SLC9A9: variants seen among roughly 807,000 people sequenced by gnomAD.
SLC9A9 encodes the protein solute carrier family 9 member A9.
SLC9A9 carries 62 observed loss-of-function variants against 77.8 expected under a neutral mutation model. That is an observed-to-expected ratio of 0.80 (90% CI 0.65 to 0.98). The LOEUF (loss-of-function observed/expected upper bound fraction) is 0.98, where lower values mean the gene tolerates loss of function less well. SLC9A9 is among the 50% of genes least tolerant of loss of function. SLC9A9 has a pLI of 0.00. For missense variants in SLC9A9, 775 were observed against 774.9 expected, an observed-to-expected ratio of 1.00 and a Z score of 0.00; for synonymous variants, 320 against 283.5, an observed-to-expected ratio of 1.13 and a Z score of -1.29.
intron 14 of SLC9A9, among the ~76,000 whole-genome samples, chr3:143,270,861 T>C (rs1171904552): frequency 6.6e-6 from 1 of 152,228 alleles, no homozygotes; most frequent in Non-Finnish European, 1.5e-5. Flanking sequence ...AATCTATGCG[T>C]AGTAGTGCTC....
chr3:143,819,835 A>C (rs1314209737), intron 2 of SLC9A9, among the ~76,000 whole-genome samples: 1 of 152,218 alleles, frequency 6.6e-6, no homozygotes, highest in Non-Finnish European at 1.5e-5. Flanking sequence ...TTTCTTTACA[A>C]CACCCTTTGA....
intron 6 of SLC9A9, among the ~76,000 whole-genome samples, chr3:143,593,211 C>T (rs1484180169): frequency 1.3e-5 from 2 of 152,192 alleles, no homozygotes; most frequent in East Asian, 3.9e-4. Flanking sequence ...GGTAGGGCTC[C>T]TCCTGGGAGC....
At chr3:143,480,517 A>G (rs1163701773) in intron 11 of SLC9A9, among the ~76,000 whole-genome samples, 1 of 152,224 alleles carries the variant, frequency 6.6e-6, no homozygotes, top group Non-Finnish European at 1.5e-5. Context: ...TGCTTGACAC[A>G]GTTGTTAAAA....
intron 4 of SLC9A9, among the ~76,000 whole-genome samples, chr3:143,715,780 C>G (rs545236117): frequency 2.6e-5 from 4 of 152,126 alleles, no homozygotes; most frequent in East Asian, 1.9e-4. Flanking sequence ...GCTCCCACAC[C>G]GCAAGGTCAA....
intron 11 of SLC9A9, among the ~76,000 whole-genome samples, chr3:143,491,963 C>A (rs750421883): frequency 6.6e-6 from 1 of 152,140 alleles, no homozygotes; most frequent in African/African-American, 2.4e-5. Context: ...AAAGTCAACT[C>A]ATTGCCAAAG....
intron 4 of SLC9A9, among the ~76,000 whole-genome samples, chr3:143,745,921 G>A (rs1039681665): frequency 1.3e-5 from 2 of 152,240 alleles, no homozygotes; most frequent in African/African-American, 2.4e-5. Flanking sequence ...GGATACTGGA[G>A]CAGCAACCTG....
intron 8 of SLC9A9, among the ~76,000 whole-genome samples, chr3:143,553,718 G>C (rs2036931722): frequency 6.6e-6 from 1 of 152,096 alleles, no homozygotes; most frequent in African/African-American, 2.4e-5. Context: ...TTAACATTAT[G>C]CTTCAAAATT....
intron 14 of SLC9A9, among the ~76,000 whole-genome samples, chr3:143,287,307 A>T (rs1938407416): frequency 6.6e-6 from 1 of 152,324 alleles, no homozygotes; most frequent in South Asian, 2.1e-4. Flanking sequence ...GCCAGTTTAG[A>T]AACTCACTAA....
At chr3:143,423,289 A>ACAC (rs57811663) in intron 12 of SLC9A9, among the ~76,000 whole-genome samples, 1 of 149,860 alleles carries the variant, frequency 6.7e-6, no homozygotes, top group African/African-American at 2.5e-5. Flanking sequence ...ACACACACAC[A>ACAC]GAGTTCCTAA....
chr3:143,688,479 G>A (rs552992308), intron 5 of SLC9A9, among the ~76,000 whole-genome samples: 2 of 152,212 alleles, frequency 1.3e-5, no homozygotes, highest in African/African-American at 4.8e-5. Flanking sequence ...TGCAAAGTGA[G>A]GCCTGACCCT....
intron 1 of SLC9A9, among the ~76,000 whole-genome samples, chr3:143,833,901 G>C (rs188047339): frequency 6.0e-4 from 92 of 152,290 alleles, no homozygotes; most frequent in African/African-American, 2.2e-3. Context: ...GAGAGACAGA[G>C]AGAGACTCTA....
At chr3:143,618,084 A>C (rs1327229654) in intron 6 of SLC9A9, among the ~76,000 whole-genome samples, 8 of 152,204 alleles carry the variant, frequency 5.3e-5, no homozygotes. Context: ...GAATATTTGC[A>C]TGACAGCCAA....
At chr3:143,316,488 T>C (rs74857779) in intron 14 of SLC9A9, among the ~76,000 whole-genome samples, 4,729 of 152,274 alleles carry the variant, frequency 0.031, 105 homozygotes, top group African/African-American at 0.066. Flanking sequence ...CTCTGCTATA[T>C]TGTGGTGCTT....
At chr3:143,582,803 A>G (rs937565351) in intron 6 of SLC9A9, among the ~76,000 whole-genome samples, 1 of 152,152 alleles carries the variant, frequency 6.6e-6, no homozygotes, top group Non-Finnish European at 1.5e-5. Flanking sequence ...TTAGTGGAGG[A>G]TGTTCTATAA....
At chr3:143,769,032 C>T (rs1311134883) in intron 4 of SLC9A9, among the ~76,000 whole-genome samples, 1 of 152,118 alleles carries the variant, frequency 6.6e-6, no homozygotes, top group East Asian at 1.9e-4. Flanking sequence ...GTTATCTTTT[C>T]TGTGCCTTAG....
intron 5 of SLC9A9, among the ~76,000 whole-genome samples, chr3:143,669,085 C>T (rs1485964804): frequency 6.6e-6 from 1 of 152,160 alleles, no homozygotes; most frequent in Admixed American, 6.5e-5. Context: ...AACTGCTGAT[C>T]CTGCATTTAC....
intron 6 of SLC9A9, among the ~76,000 whole-genome samples, chr3:143,628,323 A>G (rs1183779368): frequency 2.0e-5 from 3 of 152,204 alleles, no homozygotes; most frequent in Non-Finnish European, 4.4e-5. Context: ...ATGGAACATC[A>G]TGGCCTAGCC....
chr3:143,813,668 C>T (rs1410214997), intron 2 of SLC9A9, among the ~76,000 whole-genome samples: 1 of 152,118 alleles, frequency 6.6e-6, no homozygotes, highest in Non-Finnish European at 1.5e-5. Flanking sequence ...GCAGACCAAG[C>T]CCCATTATTT....
intron 4 of SLC9A9, among the ~76,000 whole-genome samples, chr3:143,693,926 T>A (rs1933553112): frequency 6.6e-6 from 1 of 152,158 alleles, no homozygotes; most frequent in African/African-American, 2.4e-5. Flanking sequence ...CAAGGAAAGA[T>A]TACATAACCT....
Sources: allele counts gnomAD v4.1 joint callset (sites outside exome capture counted in the v4.1 genomes callset), GRCh38; gene constraint gnomAD v4.1.1; transcripts MANE v1.5; gene names NCBI Gene and HGNC (gene_info 2026-07-23, HGNC 2026-07-21).